The following SLMAP variants were observed in gnomAD, a reference collection of about 807,000 sequenced individuals.
SLMAP encodes the protein sarcolemmal membrane-associated protein.
SLMAP carries 44 observed loss-of-function variants against 128.8 expected under a neutral mutation model. The ratio of observed to expected loss-of-function variants is 0.34; its 90% CI spans 0.27 to 0.44. The LOEUF (loss-of-function observed/expected upper bound fraction) is 0.44. SLMAP is among the 20% of genes least tolerant of loss of function. The probability of loss-of-function intolerance (pLI) is 1.00; values close to 1 mark genes in which losing one functional copy is unlikely to be tolerated. For missense variants in SLMAP, 787 were observed against 985.3 expected (o/e 0.80, Z 2.69); for synonymous variants, 327 against 348.8 (o/e 0.94, Z 0.70).
intron 15 of SLMAP, 128 bp from the exon 16 acceptor site, chr3:57,896,383 A>G (rs1235830641): frequency 5.0e-6 from 7 of 1,400,784 alleles, no homozygotes; most frequent in Non-Finnish European, 6.5e-6. Context: ...TAAGAGATTC[A>G]GTGACCTGAC....
At chr3:57,783,692 G>A (rs1311502938) in intron 2 of SLMAP, among the ~76,000 whole-genome samples, 1 of 152,184 alleles carries the variant, frequency 6.6e-6, no homozygotes, top group African/African-American at 2.4e-5. Flanking sequence ...TTGCTAAGGA[G>A]ATTAGTATGG....
chr3:57,760,172 T>G (rs984019610), intron 2 of SLMAP, among the ~76,000 whole-genome samples: 7 of 152,154 alleles, frequency 4.6e-5, no homozygotes, highest in African/African-American at 1.7e-4. Flanking sequence ...ACGCCTGACC[T>G]CAAGTGATCC....
chr3:57,845,570 A>G (rs537603600), intron 4 of SLMAP, among the ~76,000 whole-genome samples: 1 of 152,306 alleles, frequency 6.6e-6, no homozygotes, highest in African/African-American at 2.4e-5. Context: ...TAACCATTAT[A>G]AGAATGGCCT....
intron 2 of SLMAP, among the ~76,000 whole-genome samples, chr3:57,769,339 G>T (rs995797280): frequency 6.6e-6 from 1 of 152,030 alleles, no homozygotes; most frequent in Admixed American, 6.6e-5. Context: ...ACTACAGGGC[G>T]CCTGTCACCA....
Position 57,849,834 on chromosome 3 carries a change from G to A in SLMAP, c.519+18G>A, listed in dbSNP as rs757990512. ...ATCTACAGGTAAAAGTACATCTTGAGACTTCTTAAAAGCAGAATTTCTTTT... is the reference window on the plus strand; with the variant it reads ...ATCTACAGGTAAAAGTACATCTTGAAACTTCTTAAAAGCAGAATTTCTTTT... On this transcript the variant is annotated intron_variant, in intron 6 of 24. Transcript: ENST00000671191. 1 of 1,360,350 alleles carries A rather than the reference G, an allele frequency of 7.4e-7. No homozygotes were observed. Among genetic ancestry groups the A allele is most frequent in the South Asian group, 1.2e-5 (1 of 85,394 alleles). The allele number at this position is 1,360,350 out of a possible 1,614,324, so 84.3% of individuals were successfully genotyped here. A position where few individuals can be genotyped will look rare whatever the true frequency, so the allele number is the denominator to read the frequency against.
chr3:57,793,009 C>T lies in SLMAP; in HGVS notation c.198+35160C>T, dbSNP rs143852786. On this transcript the variant is annotated intron_variant, in intron 2 of 24. Coordinates refer to ENST00000671191, the MANE Select transcript of SLMAP (RefSeq NM_001377540.1). ...CAAAAATCAGCTGAGCGTTGTGGTG[C>T]GCACCTGTGGTCCCAGCAACTTGGG... 8.7e-3 allele frequency among the ~76,000 whole-genome samples: 1,318 copies of T among 152,198 alleles called. 15 individuals are homozygous for T. The highest frequency in any genetic ancestry group is 0.014 in the Non-Finnish European group (952 of 67,994).
At chr3:57,896,756 T>G in intron 16 of SLMAP, 117 bp from the exon 17 acceptor site, 1 of 1,396,274 alleles carries the variant, frequency 7.2e-7, no homozygotes, top group Non-Finnish European at 9.7e-7. Context: ...AAAACTACTT[T>G]CAACTACCCG....
At chr3:57,822,551 G>A (rs1336967630) in intron 2 of SLMAP, among the ~76,000 whole-genome samples, 1 of 152,126 alleles carries the variant, frequency 6.6e-6, no homozygotes. Context: ...GAAAGAGGCT[G>A]GTAAGTTTCA....
chr3:57,865,600 T>A (rs943599229), intron 13 of SLMAP, among the ~76,000 whole-genome samples: 2 of 152,200 alleles, frequency 1.3e-5, no homozygotes, highest in African/African-American at 2.4e-5. Context: ...GTACTACCAT[T>A]TTGTTTCATC....
At chr3:57,863,680 A>G (rs2095196160) in intron 10 of SLMAP, among the ~76,000 whole-genome samples, 1 of 152,132 alleles carries the variant, frequency 6.6e-6, no homozygotes, top group South Asian at 2.1e-4. Flanking sequence ...TTCACTCATT[A>G]CCATGAGGAC....
At chr3:57,863,939 C>T (rs1047443166) in intron 10 of SLMAP, among the ~76,000 whole-genome samples, 1 of 152,054 alleles carries the variant, frequency 6.6e-6, no homozygotes, top group African/African-American at 2.4e-5. Context: ...AGGGAAAAAT[C>T]TTACTTCCCT....
At chr3:57,812,460 G>A (rs777589000) in intron 2 of SLMAP, among the ~76,000 whole-genome samples, 50 of 152,204 alleles carry the variant, frequency 3.3e-4, no homozygotes, top group Non-Finnish European at 5.7e-4. Flanking sequence ...CTGTATGCCG[G>A]TACCATACTG....
At position 57,859,194 on chromosome 3, in the gene SLMAP, T is replaced by A. The variant is rs149059245; in HGVS notation, c.687+1035T>A. ...CAAAAATTAGCTGGACATGGTGGCATGTACCTGTAATCCAAGCTACTCAAG... is the reference window on the plus strand; with the variant it reads ...CAAAAATTAGCTGGACATGGTGGCAAGTACCTGTAATCCAAGCTACTCAAG... On this transcript the variant is annotated intron_variant, in intron 8 of 24. Coordinates refer to ENST00000671191, the MANE Select transcript of SLMAP (RefSeq NM_001377540.1). Among the ~76,000 whole-genome samples, 63 of 151,680 alleles carry A rather than the reference T, an allele frequency of 4.2e-4. No individual in the cohort carries two copies. In the East Asian group the frequency reaches 8.5e-3, roughly 20 times the overall value.
chr3:57,822,024 C>T (rs1165676927), intron 2 of SLMAP, among the ~76,000 whole-genome samples: 1 of 152,060 alleles, frequency 6.6e-6, no homozygotes, highest in African/African-American at 2.4e-5. Context: ...CTGTATTTCC[C>T]ACCAGGCTCT....
chr3:57,839,933 C>T (rs1230436002), intron 3 of SLMAP, among the ~76,000 whole-genome samples: 1 of 152,146 alleles, frequency 6.6e-6, no homozygotes, highest in Non-Finnish European at 1.5e-5. Flanking sequence ...GGTGATCTGC[C>T]CACCTCAGCC....
intron 2 of SLMAP, among the ~76,000 whole-genome samples, chr3:57,830,921 T>G (rs1194249016): frequency 1.3e-5 from 2 of 152,220 alleles, no homozygotes; most frequent in Non-Finnish European, 2.9e-5. Flanking sequence ...ACCCCTTTAT[T>G]GCCAAATAAT....
At chr3:57,915,008 C>A (rs770599750) in intron 21 of SLMAP, among the ~76,000 whole-genome samples, 4 of 151,736 alleles carry the variant, frequency 2.6e-5, no homozygotes, top group Non-Finnish European at 5.9e-5. Context: ...GCCTCAGCCT[C>A]CTAAGTAGCT....
chr3:57,788,406 C>A (rs954094323), intron 2 of SLMAP, among the ~76,000 whole-genome samples: 1 of 151,862 alleles, frequency 6.6e-6, no homozygotes, highest in South Asian at 2.1e-4. Flanking sequence ...TAGAGTGATT[C>A]AGTAAAGAGG....
chr3:57,864,287 A>ATC (rs1050850067), intron 10 of SLMAP, among the ~76,000 whole-genome samples: 7 of 152,064 alleles, frequency 4.6e-5, no homozygotes, highest in African/African-American at 1.7e-4. Flanking sequence ...CATGCCTGTA[A>ATC]TCCCAGCTAC....
Sources: allele counts gnomAD v4.1 joint callset (sites outside exome capture counted in the v4.1 genomes callset), GRCh38; gene constraint gnomAD v4.1.1; transcripts MANE v1.5; gene names NCBI Gene and HGNC (gene_info 2026-07-23, HGNC 2026-07-21).